Variants in MELK observed in about 807,000 individuals in gnomAD.
MELK encodes pEg3 kinase.
MELK carries 81 observed loss-of-function variants against 85.0 expected under a neutral mutation model. The observed-to-expected ratio is 0.95, with a 90% CI of 0.80 to 1.15. MELK has a LOEUF of 1.15. Ranked by LOEUF, MELK falls within the 50% of genes most tolerant of loss-of-function variation. The probability of loss-of-function intolerance (pLI) is 0.00; values close to 1 mark genes in which losing one functional copy is unlikely to be tolerated. For missense variants in MELK, 754 were observed against 777.5 expected (o/e 0.97, Z 0.36); for synonymous variants, 252 against 265.0 (o/e 0.95, Z 0.48).
At chr9:36,669,884 G>GA (rs398010726) in intron 15 of MELK, among the ~76,000 whole-genome samples, 2 of 151,372 alleles carry the variant, frequency 1.3e-5, no homozygotes, top group African/African-American at 4.9e-5. Flanking sequence ...AAGACAATTG[G>GA]AGAATTAGAA....
intron 10 of MELK, among the ~76,000 whole-genome samples, chr9:36,634,134 G>A (rs995551903): frequency 2.0e-5 from 3 of 152,118 alleles, no homozygotes; most frequent in African/African-American, 7.2e-5. Flanking sequence ...AACACATTTC[G>A]TTATACAACA....
chr9:36,645,427 T>C (rs534939109), intron 11 of MELK, among the ~76,000 whole-genome samples: 3 of 152,264 alleles, frequency 2.0e-5, no homozygotes, highest in Admixed American at 1.3e-4. Context: ...CAAAGCATAG[T>C]AGAAGTTGTT....
At position 36,671,155 on chromosome 9, in the gene MELK, A is replaced by G; in HGVS notation, c.1663A>G (p.Arg555Gly). 1.3e-6 allele frequency: 2 copies of G among 1,599,964 alleles called. No homozygotes were observed. The highest frequency in any genetic ancestry group is 1.7e-6 in the Non-Finnish European group (2 of 1,173,474). Residue 555 changes from arginine (R) to glycine (G), a missense_variant, in exon 16 of 18, where the codon AGA becomes GGA. Arg to Gly is a moderately radical substitution (Grantham distance 125, BLOSUM62 -2). Coordinates refer to ENST00000298048, the MANE Select transcript of MELK (RefSeq NM_014791.4). ...GAAGGGTTCTGCCAGAGACGGGCCC[A>G]GAAGACTAAAGGTAAGCAGGCTGGA... ...KRKGSARDGP[R>G]RLKLHYNVTT...
At chr9:36,635,369 T>C (rs1829031954) in intron 10 of MELK, among the ~76,000 whole-genome samples, 1 of 152,016 alleles carries the variant, frequency 6.6e-6, no homozygotes, top group Non-Finnish European at 1.5e-5. Context: ...TTTCAAGCAA[T>C]TCTCCTGCCT....
chr9:36,657,408 A>G lies in MELK; in HGVS notation c.1176+45A>G, dbSNP rs777058514. Reference sequence around the variant, plus strand: ...ATTTAAGGCAGAATCTATTGTTTCAATTATAAAAACAACCAGACTAATGTG... The same window carrying G: ...ATTTAAGGCAGAATCTATTGTTTCAGTTATAAAAACAACCAGACTAATGTG... On this transcript the variant is annotated intron_variant, in intron 13 of 17. Transcript: ENST00000298048. 7.8e-6 allele frequency: 12 copies of G among 1,540,170 alleles called. No homozygotes were observed. In the East Asian group the frequency reaches 9.2e-5, roughly 12 times the overall value.
intron 15 of MELK, among the ~76,000 whole-genome samples, chr9:36,670,564 TATAG>T (rs1832790571): frequency 6.6e-6 from 1 of 151,614 alleles, no homozygotes; most frequent in East Asian, 1.9e-4. Context: ...TATGTGTATA[TATAG>T]ATATATACAT....
At chr9:36,577,445 G>A in intron 1 of MELK, among the ~76,000 whole-genome samples, 1 of 152,070 alleles carries the variant, frequency 6.6e-6, no homozygotes, top group Non-Finnish European at 1.5e-5. Context: ...GAACCTGGGA[G>A]GCGCAGGTTG....
rs1288847153 is a variant in MELK, at chr9:36,596,571, TGTTTTTTTTG to T, written c.406-650_406-641del. Among the ~76,000 whole-genome samples the T allele has an allele frequency of 1.3e-3, 158 of 122,906 alleles. 17 individuals carry two copies. Among genetic ancestry groups the T allele is most frequent in the African/African-American group, 2.9e-3 (73 of 25,262 alleles). 80.6% of individuals were successfully genotyped at this position (122,906 alleles called of 152,430 possible). On this transcript the variant is annotated intron_variant, in intron 5 of 17. Transcript: ENST00000298048. ...TGCGCCCGGCCCTTTTTGTTTTTTTTGTTTTTTTTGTTTTTTTTGTTTTTTTTTTTTTGAG... is the reference window on the plus strand; with the variant it reads ...TGCGCCCGGCCCTTTTTGTTTTTTTTTTTTTTTTGTTTTTTTTTTTTTGAG...
At chr9:36,595,638 C>G (rs1824145321) in intron 5 of MELK, among the ~76,000 whole-genome samples, 1 of 140,128 alleles carries the variant, frequency 7.1e-6, no homozygotes, top group Middle Eastern at 3.8e-3. Flanking sequence ...CAAGATCTCA[C>G]TCTGTCACCC....
chr9:36,638,632 G>A, intron 10 of MELK, among the ~76,000 whole-genome samples: 1 of 152,100 alleles, frequency 6.6e-6, no homozygotes, highest in East Asian at 1.9e-4. Context: ...TGAGCACGTA[G>A]AGTAGAATAG....
intron 11 of MELK, 116 bp downstream of exon 11, chr9:36,643,199 G>C: frequency 1.4e-6 from 1 of 723,694 alleles, no homozygotes; most frequent in Non-Finnish European, 2.2e-6. Flanking sequence ...CCTGGCCAAT[G>C]TGGTGAAACC....
chr9:36,666,853 T>TTGTGTGTG lies in MELK; in HGVS notation c.1408+1319_1408+1326dup, dbSNP rs5897643. ...TTTGGTGTCCTGATGATGTCTGTGT[T>TTGTGTGTG]TGTGTGTGTGTGTGTGTGTGTGTGT... On this transcript the variant is annotated intron_variant, in intron 14 of 17. Transcript: ENST00000298048. Among the ~76,000 whole-genome samples the TTGTGTGTG allele has an allele frequency of 8.0e-3, 1,050 of 130,814 alleles. 9 individuals are homozygous for TTGTGTGTG. Among genetic ancestry groups the TTGTGTGTG allele is most frequent in the African/African-American group, 0.012 (406 of 34,710 alleles). 85.8% of individuals were successfully genotyped at this position (130,814 alleles called of 152,430 possible).
chr9:36,656,933 T>A (rs1769228753), intron 12 of MELK, among the ~76,000 whole-genome samples: 1 of 152,180 alleles, frequency 6.6e-6, no homozygotes, highest in Non-Finnish European at 1.5e-5. Context: ...TCTGTTTAGA[T>A]TTGTTTAGAT....
intron 2 of MELK, 96 bp downstream of exon 2, chr9:36,581,835 A>C: frequency 4.1e-6 from 4 of 970,812 alleles, no homozygotes; most frequent in Non-Finnish European, 6.2e-6. Flanking sequence ...TAACCCACAC[A>C]GTTTTAAAAT....
chr9:36,643,775 A>T (rs994056060), intron 11 of MELK, among the ~76,000 whole-genome samples: 15 of 152,250 alleles, frequency 9.9e-5, no homozygotes, highest in African/African-American at 3.6e-4. Context: ...TCTACTAAAA[A>T]TACAAAAAAT....
chr9:36,590,459 C>G (rs1468084620), intron 4 of MELK, among the ~76,000 whole-genome samples: 1 of 152,124 alleles, frequency 6.6e-6, no homozygotes, highest in African/African-American at 2.4e-5. Context: ...TTTATAGATG[C>G]ACCACTCCCA....
chr9:36,657,006 A>G (rs187644034), intron 12 of MELK, among the ~76,000 whole-genome samples: 366 of 152,336 alleles, frequency 2.4e-3, no homozygotes, highest in Middle Eastern at 6.8e-3. Flanking sequence ...CGTGCTACAC[A>G]GGTTTGTAGT....
intron 14 of MELK, among the ~76,000 whole-genome samples, chr9:36,667,710 C>T (rs1380154407): frequency 1.3e-5 from 2 of 152,160 alleles, no homozygotes; most frequent in African/African-American, 2.4e-5. Context: ...TGTTAGCTTC[C>T]ACTGGCACTT....
intron 1 of MELK, among the ~76,000 whole-genome samples, chr9:36,573,905 T>C (rs1821363375): frequency 6.6e-6 from 1 of 151,472 alleles, no homozygotes; most frequent in South Asian, 2.1e-4. Context: ...CTGGAAAGGG[T>C]AGACTCAGGG....
Sources: allele counts gnomAD v4.1 joint callset (sites outside exome capture counted in the v4.1 genomes callset), GRCh38; gene constraint gnomAD v4.1.1; transcripts MANE v1.5; gene names NCBI Gene and HGNC (gene_info 2026-07-23, HGNC 2026-07-21).